The following ARHGEF28 variants were observed in gnomAD, a reference collection of about 807,000 sequenced individuals.
ARHGEF28 encodes 190 kDa guanine nucleotide exchange factor.
In ARHGEF28, 152 loss-of-function variants were observed where a neutral mutation model predicts 206.6. The ratio of observed to expected loss-of-function variants is 0.74; its 90% CI spans 0.64 to 0.84. The LOEUF (loss-of-function observed/expected upper bound fraction) is 0.84, where lower values mean the gene tolerates loss of function less well. Among genes scored for constraint, ARHGEF28 ranks in the 40% least tolerant of loss-of-function variants. The probability of loss-of-function intolerance (pLI) is 0.00; values close to 1 mark genes in which losing one functional copy is unlikely to be tolerated. For synonymous variants in ARHGEF28, 763 were observed against 776.4 expected (o/e 0.98, Z 0.29); for missense variants, 2,028 against 2,073.2 (o/e 0.98, Z 0.42).
At chr5:73,845,333 T>C (rs1320576686) in intron 11 of ARHGEF28, among the ~76,000 whole-genome samples, 1 of 152,124 alleles carries the variant, frequency 6.6e-6, no homozygotes, top group African/African-American at 2.4e-5. Flanking sequence ...CATCTTTTTT[T>C]AACCTCTAAA....
chr5:73,626,635 T>G (rs1283786667), intron 1 of ARHGEF28, among the ~76,000 whole-genome samples: 2 of 152,146 alleles, frequency 1.3e-5, no homozygotes, highest in Non-Finnish European at 2.9e-5. Context: ...GCCAGTGTCC[T>G]TCGGGAGACA....
chr5:73,864,490 T>G lies in ARHGEF28; in HGVS notation c.2048-327T>G, dbSNP rs560993475. ...GTGTCAGAAATCCCATGCAATGTAA[T>G]GCATGTAATAGGAAGTGAGTTCTCA... On this transcript the variant is annotated intron_variant, in intron 16 of 35. Transcript: ENST00000513042. Among the ~76,000 whole-genome samples, 7 of 152,300 alleles carry G rather than the reference T, an allele frequency of 4.6e-5. No individual in the cohort carries two copies. The South Asian group carries it at 1.4e-3, about 32-fold the overall frequency.
At chr5:73,826,373 A>G (rs958015039) in intron 9 of ARHGEF28, among the ~76,000 whole-genome samples, 1 of 152,156 alleles carries the variant, frequency 6.6e-6, no homozygotes, top group African/African-American at 2.4e-5. Context: ...ACAAAATACA[A>G]TGAATGAATG....
chr5:73,736,175 G>T (rs912503096), intron 2 of ARHGEF28, among the ~76,000 whole-genome samples: 9 of 152,238 alleles, frequency 5.9e-5, no homozygotes, highest in African/African-American at 2.2e-4. Flanking sequence ...TTTCTTCGAA[G>T]TACTCAATGG....
At chr5:73,931,190 C>T (rs532485495) in intron 35 of ARHGEF28, among the ~76,000 whole-genome samples, 369 of 152,294 alleles carry the variant, frequency 2.4e-3, no homozygotes, top group Non-Finnish European at 4.2e-3. Flanking sequence ...ACTCCACTTT[C>T]CAGGGTTGCT....
At chr5:73,654,896 C>T (rs944605750) in intron 1 of ARHGEF28, among the ~76,000 whole-genome samples, 1 of 152,198 alleles carries the variant, frequency 6.6e-6, no homozygotes, top group Non-Finnish European at 1.5e-5. Flanking sequence ...CATCCTTGCT[C>T]TGTCAGGGAG....
At chr5:73,638,727 T>C (rs1743876980) in intron 1 of ARHGEF28, among the ~76,000 whole-genome samples, 1 of 152,196 alleles carries the variant, frequency 6.6e-6, no homozygotes, top group African/African-American at 2.4e-5. Context: ...CACAGTTGAA[T>C]ACCACTGAAC....
chr5:73,930,496 A>C (rs1359523711), intron 35 of ARHGEF28, among the ~76,000 whole-genome samples: 1 of 152,212 alleles, frequency 6.6e-6, no homozygotes, highest in African/African-American at 2.4e-5. Context: ...CTTTTGGGAT[A>C]GCTTTAATAG....
At chr5:73,938,200 A>ACACACACACACACACAC (rs1554033521) in intron 35 of ARHGEF28, among the ~76,000 whole-genome samples, 5 of 145,148 alleles carry the variant, frequency 3.4e-5, no homozygotes, top group African/African-American at 7.9e-5. Context: ...ACACACACAC[A>ACACACACACACACACAC]ACTCCCCATC....
intron 18 of ARHGEF28, among the ~76,000 whole-genome samples, chr5:73,866,667 A>G (rs1759725911): frequency 6.6e-6 from 1 of 152,158 alleles, no homozygotes; most frequent in Admixed American, 6.5e-5. Context: ...CCTGAAGTGT[A>G]TATTGCTGAA....
intron 2 of ARHGEF28, among the ~76,000 whole-genome samples, chr5:73,686,005 C>T (rs1357606752): frequency 6.6e-6 from 1 of 152,142 alleles, no homozygotes; most frequent in Non-Finnish European, 1.5e-5. Flanking sequence ...AGCCAAGTGC[C>T]TACTCACTCA....
rs533527441 is a variant in ARHGEF28 at position 73,777,094 on chromosome 5, C to T, written c.840+398C>T. On this transcript the variant is annotated intron_variant, in intron 6 of 35. Transcript: ENST00000513042. ...ATTTGTTCCAGTGCAGAATCCAGTA[C>T]AGAATCCAGTACAGATTCTGCTTGA... Among the ~76,000 whole-genome samples the T allele has an allele frequency of 3.9e-5, 6 of 152,222 alleles. No homozygotes were observed. The South Asian group carries it at 8.3e-4, about 21-fold the overall frequency.
intron 9 of ARHGEF28, among the ~76,000 whole-genome samples, chr5:73,800,309 A>T (rs974163236): frequency 2.0e-5 from 3 of 152,186 alleles, no homozygotes; most frequent in Non-Finnish European, 4.4e-5. Flanking sequence ...TTGTTTGTTT[A>T]TGTTTTAATA....
At chr5:73,801,179 G>T (rs1439990992) in intron 9 of ARHGEF28, among the ~76,000 whole-genome samples, 1 of 152,208 alleles carries the variant, frequency 6.6e-6, no homozygotes, top group African/African-American at 2.4e-5. Flanking sequence ...GGGCGCGGGG[G>T]CTCACGCCTG....
intron 9 of ARHGEF28, among the ~76,000 whole-genome samples, chr5:73,815,636 C>T (rs73118558): frequency 0.077 from 11,637 of 152,040 alleles, 772 homozygotes; most frequent in African/African-American, 0.17. Context: ...CTGGGCAGCC[C>T]AACACTGGAG....
At chr5:73,668,085 C>T (rs557879148) in intron 1 of ARHGEF28, among the ~76,000 whole-genome samples, 1 of 152,286 alleles carries the variant, frequency 6.6e-6, no homozygotes, top group South Asian at 2.1e-4. Context: ...TTGTCTTTTT[C>T]TGAGCCCTCA....
In ARHGEF28 at chr5:73,837,810, T is replaced by C. The variant is rs368110449; in HGVS notation, c.1147-2670T>C. ...AGGTGGGAGTGCAATGGTGCCATCTTGGCTCACTGCAATCTCCACCCCCCA... is the reference window on the plus strand; with the variant it reads ...AGGTGGGAGTGCAATGGTGCCATCTCGGCTCACTGCAATCTCCACCCCCCA... On this transcript the variant is annotated intron_variant, in intron 10 of 35. Transcript: ENST00000513042. Among the ~76,000 whole-genome samples the C allele has an allele frequency of 2.7e-3, 403 of 151,784 alleles. 6 individuals carry two copies. The highest frequency in any genetic ancestry group is 8.4e-3 in the African/African-American group (347 of 41,398).
In ARHGEF28 at chr5:73,906,401, G is replaced by C. The variant is rs548064528; in HGVS notation, c.4161+1996G>C. 5.9e-5 allele frequency among the ~76,000 whole-genome samples: 9 copies of C among 152,240 alleles called. No individual in the cohort carries two copies. The East Asian group carries it at 1.7e-3, about 29-fold the overall frequency. On this transcript the variant is annotated intron_variant, in intron 33 of 35. Coordinates refer to ENST00000513042, the MANE Select transcript of ARHGEF28 (RefSeq NM_001177693.2). ...CTATAGGCGTGTGCCACCAAGCCTGGCTAGTTTTTCTATTTCACCATGTTG... is the reference window on the plus strand; with the variant it reads ...CTATAGGCGTGTGCCACCAAGCCTGCCTAGTTTTTCTATTTCACCATGTTG...
chr5:73,853,367 C>T (rs1400927622), intron 14 of ARHGEF28, among the ~76,000 whole-genome samples: 1 of 152,192 alleles, frequency 6.6e-6, no homozygotes, highest in African/African-American at 2.4e-5. Flanking sequence ...CAGAATGGCA[C>T]ACATGTTTGA....
Sources: gnomAD v4.1 joint callset for allele counts (sites outside exome capture counted in the v4.1 genomes callset) on GRCh38, gnomAD v4.1.1 for gene constraint, MANE v1.5 for transcripts, NCBI Gene and HGNC (gene_info 2026-07-23, HGNC 2026-07-21) for gene names.